Variants in PTPRT observed in about 807,000 individuals in gnomAD.
PTPRT encodes the protein receptor-type tyrosine-protein phosphatase T.
PTPRT carries 56 observed loss-of-function variants against 176.8 expected under a neutral mutation model. That is an observed-to-expected ratio of 0.32 (90% CI 0.26 to 0.40). PTPRT has a LOEUF of 0.40. PTPRT is among the 10% of genes least tolerant of loss of function. PTPRT has a pLI of 1.00. For synonymous variants in PTPRT, 783 were observed against 739.0 expected, an observed-to-expected ratio of 1.06 and a Z score of -0.96; for missense variants, 1,540 against 1,908.2, an observed-to-expected ratio of 0.81 and a Z score of 3.60.
At chr20:42,338,565 A>G (rs1056056028) in intron 11 of PTPRT, among the ~76,000 whole-genome samples, 3 of 152,214 alleles carry the variant, frequency 2.0e-5, no homozygotes, top group African/African-American at 7.2e-5. Context: ...GGGAGACGTT[A>G]TCTGAGAGCC....
chr20:42,662,408 A>G (rs1449385955), intron 7 of PTPRT, among the ~76,000 whole-genome samples: 4 of 152,106 alleles, frequency 2.6e-5, no homozygotes, highest in African/African-American at 7.2e-5. Flanking sequence ...AACCTCAGCT[A>G]CTTCCTAAAC....
At chr20:42,745,653 G>A (rs766910814) in intron 6 of PTPRT, among the ~76,000 whole-genome samples, 1 of 152,216 alleles carries the variant, frequency 6.6e-6, no homozygotes, top group East Asian at 1.9e-4. Context: ...TACTAAACTG[G>A]AGCCCATGGG....
At chr20:42,428,932 C>G (rs1259245222) in intron 9 of PTPRT, among the ~76,000 whole-genome samples, 5 of 152,110 alleles carry the variant, frequency 3.3e-5, no homozygotes, top group African/African-American at 1.2e-4. Flanking sequence ...TTACTCCTCC[C>G]CACCCTACAT....
chr20:42,972,854 T>A (rs1982736006), intron 1 of PTPRT, among the ~76,000 whole-genome samples: 1 of 152,072 alleles, frequency 6.6e-6, no homozygotes, highest in African/African-American at 2.4e-5. Flanking sequence ...TATATCCACA[T>A]TGTCAGGTGC....
chr20:42,984,858 T>G (rs73273667), intron 1 of PTPRT, among the ~76,000 whole-genome samples: 3,200 of 152,012 alleles, frequency 0.021, 130 homozygotes, highest in African/African-American at 0.073. Flanking sequence ...TCAGCAACAG[T>G]TAAAGGAATG....
At chr20:42,624,250 C>A (rs2074252907) in intron 7 of PTPRT, among the ~76,000 whole-genome samples, 1 of 152,144 alleles carries the variant, frequency 6.6e-6, no homozygotes, top group Non-Finnish European at 1.5e-5. Context: ...GCGCTGCCTG[C>A]AACAACATGA....
At chr20:42,861,343 T>G (rs1048653092) in intron 2 of PTPRT, among the ~76,000 whole-genome samples, 1 of 152,220 alleles carries the variant, frequency 6.6e-6, no homozygotes, top group African/African-American at 2.4e-5. Flanking sequence ...CTCACATGCT[T>G]CTTGCCTAGA....
intron 7 of PTPRT, among the ~76,000 whole-genome samples, chr20:42,654,028 G>T (rs1472317474): frequency 6.6e-6 from 1 of 152,126 alleles, no homozygotes; most frequent in Non-Finnish European, 1.5e-5. Flanking sequence ...AAGGAAAAAG[G>T]GCGCAGAAAG....
At chr20:42,486,201 C>T (rs1299061229) in intron 7 of PTPRT, among the ~76,000 whole-genome samples, 2 of 152,222 alleles carry the variant, frequency 1.3e-5, no homozygotes, top group Non-Finnish European at 2.9e-5. Context: ...TTGTGAGACA[C>T]AATCCTAGCA....
chr20:42,985,723 G>C (rs1983535349), intron 1 of PTPRT, among the ~76,000 whole-genome samples: 1 of 152,142 alleles, frequency 6.6e-6, no homozygotes, highest in Non-Finnish European at 1.5e-5. Flanking sequence ...GAGGTAAAGG[G>C]GAGGGGCCAT....
intron 6 of PTPRT, among the ~76,000 whole-genome samples, chr20:42,699,876 G>T (rs1404270535): frequency 6.6e-6 from 1 of 152,152 alleles, no homozygotes; most frequent in Non-Finnish European, 1.5e-5. Context: ...GACAAAAAAA[G>T]TAAGCCCACA....
chr20:43,081,362 T>C (rs1223091757), intron 1 of PTPRT, among the ~76,000 whole-genome samples: 2 of 152,214 alleles, frequency 1.3e-5, no homozygotes, highest in African/African-American at 4.8e-5. Context: ...ATATTTTTTC[T>C]ACAAATCTAT....
chr20:42,142,150 A>G (rs2076245), intron 17 of PTPRT, 148 bp from the exon 18 acceptor site: 55,198 of 677,756 alleles, frequency 0.081, 4,386 homozygotes, highest in East Asian at 0.32. Context: ...TGGGGAGGAC[A>G]TAGATTTTGT....
chr20:42,271,210 TC>T (rs905898727), intron 13 of PTPRT, among the ~76,000 whole-genome samples: 2 of 152,112 alleles, frequency 1.3e-5, no homozygotes, highest in African/African-American at 4.8e-5. Flanking sequence ...GCCCACCCTG[TC>T]CCAAGCATGA....
At chr20:43,095,226 T>A (rs2012080387) in intron 1 of PTPRT, among the ~76,000 whole-genome samples, 1 of 152,032 alleles carries the variant, frequency 6.6e-6, no homozygotes, top group African/African-American at 2.4e-5. Context: ...ACTTGCAGGG[T>A]GGCCTCTCAT....
At chr20:42,813,246 G>A (rs1264217731) in intron 2 of PTPRT, among the ~76,000 whole-genome samples, 2 of 151,918 alleles carry the variant, frequency 1.3e-5, no homozygotes, top group Non-Finnish European at 2.9e-5. Context: ...TTATTGACCT[G>A]GTGTTCATAT....
intron 1 of PTPRT, among the ~76,000 whole-genome samples, chr20:43,068,280 G>A (rs3092500): frequency 0.2 from 30,054 of 148,988 alleles, 3,334 homozygotes; most frequent in Admixed American, 0.31. Context: ...CGAGGCAGGC[G>A]GATCACGAGG....
chr20:42,309,540 T>A (rs1244044796), intron 12 of PTPRT, among the ~76,000 whole-genome samples: 1 of 152,160 alleles, frequency 6.6e-6, no homozygotes, highest in Non-Finnish European at 1.5e-5. Flanking sequence ...TCAAACAACA[T>A]CTCTCATTCT....
intron 2 of PTPRT, among the ~76,000 whole-genome samples, chr20:42,822,304 G>C (rs1376166569): frequency 6.6e-6 from 1 of 152,146 alleles, no homozygotes; most frequent in African/African-American, 2.4e-5. Flanking sequence ...AATGGGGAAA[G>C]GACATCCTAT....
Sources: allele counts gnomAD v4.1 joint callset (sites outside exome capture counted in the v4.1 genomes callset), GRCh38; gene constraint gnomAD v4.1.1; transcripts MANE v1.5; gene names NCBI Gene and HGNC (gene_info 2026-07-23, HGNC 2026-07-21).